BCKDHB: variants seen among roughly 807,000 people sequenced by gnomAD.
BCKDHB encodes the protein 2-oxoisovalerate dehydrogenase subunit beta, mitochondrial.
BCKDHB carries 41 observed loss-of-function variants against 48.5 expected under a neutral mutation model. The ratio of observed to expected loss-of-function variants is 0.85; its 90% CI spans 0.66 to 1.10. The LOEUF is 1.10. Ranked by LOEUF, BCKDHB falls within the 50% of genes least tolerant of loss-of-function variation. The pLI, the probability that BCKDHB is intolerant of heterozygous loss-of-function variation, is 0.00. For missense variants in BCKDHB, 496 were observed against 494.2 expected (o/e 1.00, Z -0.03); for synonymous variants, 201 against 174.8 (o/e 1.15, Z -1.18).
chr6:80,108,132 A>T (rs1769221875), intron 1 of BCKDHB, among the ~76,000 whole-genome samples: 1 of 152,054 alleles, frequency 6.6e-6, no homozygotes, highest in Non-Finnish European at 1.5e-5. Context: ...AGACAGTTTG[A>T]CCAAGATTAC....
At chr6:80,323,001 G>A (rs897640198) in intron 9 of BCKDHB, among the ~76,000 whole-genome samples, 7 of 148,276 alleles carry the variant, frequency 4.7e-5, no homozygotes, top group Admixed American at 4.1e-4. Flanking sequence ...GAGCATAACA[G>A]TTAAGAGCTC....
At chr6:80,389,787 C>G in the BCKDHB span, among the ~76,000 whole-genome samples, 1 of 152,106 alleles carries the variant, frequency 6.6e-6, no homozygotes, top group Non-Finnish European at 1.5e-5. Flanking sequence ...GCAGAGTTCT[C>G]CAGAAGGTCG....
At chr6:80,266,362 C>T (rs983061253) in intron 8 of BCKDHB, among the ~76,000 whole-genome samples, 1 of 152,114 alleles carries the variant, frequency 6.6e-6, no homozygotes, top group Non-Finnish European at 1.5e-5. Context: ...TTGCTACCTA[C>T]AGGTGGTTAT....
chr6:80,233,543 C>G (rs1292557019), intron 8 of BCKDHB, among the ~76,000 whole-genome samples: 1 of 152,168 alleles, frequency 6.6e-6, no homozygotes, highest in Admixed American at 6.5e-5. Flanking sequence ...TTTTCAGAAT[C>G]AAGTGCTTCT....
chr6:80,199,018 C>T (rs568066618), intron 6 of BCKDHB, among the ~76,000 whole-genome samples: 1 of 152,252 alleles, frequency 6.6e-6, no homozygotes, highest in South Asian at 2.1e-4. Flanking sequence ...CCACTGTTAG[C>T]AGTATTCCAG....
At chr6:80,356,409 T>C in the BCKDHB span, 2 of 152,206 alleles carry the variant, frequency 1.3e-5, no homozygotes, top group East Asian at 3.9e-4. Context: ...ATTTATGGTA[T>C]ATCCATATGA....
At chr6:80,437,229 A>G in the BCKDHB span, among the ~76,000 whole-genome samples, 2 of 152,222 alleles carry the variant, frequency 1.3e-5, no homozygotes, top group East Asian at 3.8e-4. Context: ...AGAAAAAAAA[A>G]TTCTTACATG....
At chr6:80,313,053 G>T (rs1453553327) in intron 9 of BCKDHB, among the ~76,000 whole-genome samples, 1 of 152,080 alleles carries the variant, frequency 6.6e-6, no homozygotes, top group Non-Finnish European at 1.5e-5. Flanking sequence ...GAATCCATCT[G>T]GTCCTGGGCT....
At chr6:80,438,457 G>C in the BCKDHB span, among the ~76,000 whole-genome samples, 2 of 151,992 alleles carry the variant, frequency 1.3e-5, no homozygotes, top group Non-Finnish European at 2.9e-5. Context: ...AAATATTTCT[G>C]TAAGACAGAT....
intron 4 of BCKDHB, 148 bp downstream of exon 4, chr6:80,167,959 T>C (rs1772662115): frequency 2.2e-6 from 2 of 930,220 alleles, no homozygotes; most frequent in African/African-American, 1.7e-5. Context: ...TGAGCATATA[T>C]TTAAAGATCT....
the BCKDHB span, among the ~76,000 whole-genome samples, chr6:80,456,168 T>G: frequency 6.6e-6 from 1 of 151,386 alleles, no homozygotes; most frequent in Admixed American, 6.6e-5. Context: ...TGAGCCGAGA[T>G]TGCACCACTG....
chr6:80,256,229 G>C (rs1296421821), intron 8 of BCKDHB, among the ~76,000 whole-genome samples: 1 of 152,136 alleles, frequency 6.6e-6, no homozygotes, highest in Non-Finnish European at 1.5e-5. Flanking sequence ...AACGACAGGA[G>C]TACATTCTGA....
At chr6:80,189,252 T>C (rs930857949) in intron 6 of BCKDHB, among the ~76,000 whole-genome samples, 7 of 152,212 alleles carry the variant, frequency 4.6e-5, no homozygotes, top group African/African-American at 1.4e-4. Context: ...ATTTTTTTCT[T>C]TTTGAATTGA....
chr6:80,293,768 T>C (rs1295472749), intron 9 of BCKDHB, among the ~76,000 whole-genome samples: 1 of 152,242 alleles, frequency 6.6e-6, no homozygotes, highest in Non-Finnish European at 1.5e-5. Flanking sequence ...AAGTCACCTC[T>C]TGAATGCTTT....
chr6:80,183,733 C>T (rs1773517640), intron 6 of BCKDHB, among the ~76,000 whole-genome samples: 3 of 152,090 alleles, frequency 2.0e-5, no homozygotes, highest in Admixed American at 6.6e-5. Flanking sequence ...ATTTTCTGTG[C>T]TTCATCTGTT....
At chr6:80,200,547 TAC>T (rs1774341354) in intron 6 of BCKDHB, among the ~76,000 whole-genome samples, 1 of 152,170 alleles carries the variant, frequency 6.6e-6, no homozygotes, top group Non-Finnish European at 1.5e-5. Context: ...ATGAACATAG[TAC>T]AAAGTTCTTA....
At chr6:80,391,988 T>C in the BCKDHB span, among the ~76,000 whole-genome samples, 2 of 152,128 alleles carry the variant, frequency 1.3e-5, no homozygotes, top group African/African-American at 4.8e-5. Context: ...TAGCCTTTTA[T>C]TTTTATTATT....
intron 8 of BCKDHB, among the ~76,000 whole-genome samples, chr6:80,221,838 C>CTT (rs1383268784): frequency 6.6e-6 from 1 of 152,188 alleles, no homozygotes; most frequent in Non-Finnish European, 1.5e-5. Context: ...GAATTTGGCA[C>CTT]TTACAGCCAA....
chr6:80,455,386 T>C, the BCKDHB span, among the ~76,000 whole-genome samples: 1 of 151,902 alleles, frequency 6.6e-6, no homozygotes, highest in African/African-American at 2.4e-5. Flanking sequence ...ATCTCACACA[T>C]GTCGCATCTC....
Sources: allele counts gnomAD v4.1 joint callset (sites outside exome capture counted in the v4.1 genomes callset), GRCh38; gene constraint gnomAD v4.1.1; transcripts MANE v1.5; gene names NCBI Gene and HGNC (gene_info 2026-07-23, HGNC 2026-07-21).